Variants in PBX3 observed in about 807,000 individuals in gnomAD.
The protein encoded by PBX3 is PBX homeobox 3.
Under a neutral mutation model 48.5 loss-of-function variants are expected in PBX3, and 14 were observed. The ratio of observed to expected loss-of-function variants is 0.29; its 90% CI spans 0.19 to 0.45. The LOEUF is 0.45. PBX3 is among the 20% of genes least tolerant of loss of function. The pLI is 1.00. For missense variants in PBX3, 386 were observed against 546.7 expected, an observed-to-expected ratio of 0.71 and a Z score of 2.93; for synonymous variants, 210 against 200.3, an observed-to-expected ratio of 1.05 and a Z score of -0.41.
chr9:125,748,804 T>C, intron 2 of PBX3, 181 bp downstream of exon 2: 1 of 506,912 alleles, frequency 2.0e-6, no homozygotes, highest in East Asian at 3.1e-5. Flanking sequence ...TTCTCAGTTC[T>C]GCTCCTGGTG....
At chr9:125,935,258 C>G (rs1199101883) in intron 4 of PBX3, among the ~76,000 whole-genome samples, 1 of 152,170 alleles carries the variant, frequency 6.6e-6, no homozygotes, top group Non-Finnish European at 1.5e-5. Flanking sequence ...GCTTCATAGT[C>G]TGGTATTTTT....
intron 2 of PBX3, among the ~76,000 whole-genome samples, chr9:125,835,015 C>CAAAAAAAAAAAAAAAAAAAAAAAAAAA (rs745638368): frequency 4.0e-5 from 1 of 25,170 alleles, no homozygotes. Flanking sequence ...AACTCTGTCT[C>CAAAAAAAAAAAAAAAAAAAAAAAAAAA]AAAAAAAAAA....
chr9:125,923,785 T>C (rs1027761561), intron 3 of PBX3, among the ~76,000 whole-genome samples: 4 of 151,922 alleles, frequency 2.6e-5, no homozygotes, highest in Admixed American at 2.0e-4. Flanking sequence ...AGGCTGGTCT[T>C]GTACTCCTGG....
intron 2 of PBX3, among the ~76,000 whole-genome samples, chr9:125,872,517 G>T (rs1293345167): frequency 1.3e-5 from 2 of 152,170 alleles, no homozygotes; most frequent in African/African-American, 4.8e-5. Flanking sequence ...AGCATTTCTA[G>T]GTTGGGCATA....
At chr9:125,901,284 A>G (rs1024983258) in intron 2 of PBX3, among the ~76,000 whole-genome samples, 2 of 151,722 alleles carry the variant, frequency 1.3e-5, no homozygotes, top group African/African-American at 4.8e-5. Flanking sequence ...CTTATAGGCC[A>G]TTTATAGATT....
At chr9:125,750,194 A>G (rs1381746179) in intron 2 of PBX3, among the ~76,000 whole-genome samples, 1 of 152,216 alleles carries the variant, frequency 6.6e-6, no homozygotes, top group Admixed American at 6.6e-5. Context: ...GCTGACAGCC[A>G]AGCACTGGGG....
chr9:125,937,870 A>G (rs1449130444), intron 5 of PBX3, among the ~76,000 whole-genome samples: 8 of 152,178 alleles, frequency 5.3e-5, no homozygotes, highest in Non-Finnish European at 1.2e-4. Flanking sequence ...CCTGTTGTCC[A>G]AGCTGGTCTC....
intron 2 of PBX3, among the ~76,000 whole-genome samples, chr9:125,872,063 A>T (rs1469163107): frequency 1.3e-5 from 2 of 152,220 alleles, no homozygotes; most frequent in Non-Finnish European, 2.9e-5. Context: ...AAAAAATTAG[A>T]TTGAATAGAT....
chr9:125,789,050 C>T lies in PBX3; in HGVS notation c.274+40427C>T, dbSNP rs146313372. 1.8e-3 allele frequency among the ~76,000 whole-genome samples: 278 copies of T among 152,148 alleles called. 2 individuals are homozygous for T. The highest frequency in any genetic ancestry group is 3.0e-3 in the Admixed American group (46 of 15,282). On this transcript the variant is annotated intron_variant, in intron 2 of 8. Transcript: ENST00000373489. The stretch of plus-strand genomic sequence containing the variant: ...ACTGTTGTTATCTTTCTATGATTTG[C>T]TTTCACTCAACACTTATTTTAAGAT...
intron 2 of PBX3, among the ~76,000 whole-genome samples, chr9:125,776,900 TTTTG>T (rs1328512986): frequency 7.2e-5 from 11 of 152,144 alleles, no homozygotes; most frequent in Admixed American, 3.3e-4. Flanking sequence ...TGTGGCTTAT[TTTTG>T]TTTGTTTTTG....
chr9:125,823,324 ATTTAACT>A (rs60218924), intron 2 of PBX3, among the ~76,000 whole-genome samples: 5,569 of 152,256 alleles, frequency 0.037, 350 homozygotes, highest in African/African-American at 0.13. Context: ...TTGATGTGCT[ATTTAACT>A]TTTATTTACC....
At chr9:125,923,432 A>G (rs529350740) in intron 3 of PBX3, among the ~76,000 whole-genome samples, 1 of 152,226 alleles carries the variant, frequency 6.6e-6, no homozygotes, top group South Asian at 2.1e-4. Context: ...GCAGTTTTCA[A>G]ACTTTTCAGT....
chr9:125,881,454 C>T (rs871602), intron 2 of PBX3, among the ~76,000 whole-genome samples: 1 of 152,120 alleles, frequency 6.6e-6, no homozygotes, highest in African/African-American at 2.4e-5. Flanking sequence ...TACTGAACTT[C>T]TGGCAGAATT....
chr9:125,837,018 TG>T (rs2132215814), intron 2 of PBX3, among the ~76,000 whole-genome samples: 1 of 152,344 alleles, frequency 6.6e-6, no homozygotes, highest in East Asian at 1.9e-4. Flanking sequence ...TCCTAGCAAT[TG>T]CAATTCTTGG....
At chr9:125,783,669 G>A (rs1837382640) in intron 2 of PBX3, among the ~76,000 whole-genome samples, 1 of 152,006 alleles carries the variant, frequency 6.6e-6, no homozygotes, top group African/African-American at 2.4e-5. Flanking sequence ...TTAACTCCTT[G>A]TTCATGGTTT....
At chr9:125,938,565 G>T (rs10987051) in intron 5 of PBX3, among the ~76,000 whole-genome samples, 9,428 of 152,184 alleles carry the variant, frequency 0.062, 680 homozygotes, top group East Asian at 0.17. Flanking sequence ...CGGACATTGG[G>T]TGTAGTATTT....
At chr9:125,793,280 AG>A (rs1185620142) in intron 2 of PBX3, among the ~76,000 whole-genome samples, 7 of 148,674 alleles carry the variant, frequency 4.7e-5, no homozygotes, top group Non-Finnish European at 8.9e-5. Context: ...TGAACCTGGG[AG>A]GCAGAGCTTG....
intron 2 of PBX3, among the ~76,000 whole-genome samples, chr9:125,779,899 C>CA: frequency 8.0e-6 from 1 of 125,638 alleles, no homozygotes; most frequent in Admixed American, 7.8e-5. Flanking sequence ...CTGACCCCCC[C>CA]ACCTCCCTCC....
chr9:125,957,961 T>C (rs1040819261), intron 5 of PBX3, among the ~76,000 whole-genome samples: 4 of 152,358 alleles, frequency 2.6e-5, no homozygotes, highest in Middle Eastern at 3.4e-3. Context: ...GCTGAGAGCA[T>C]GCATTGGGAA....
Sources: gnomAD v4.1 joint callset for allele counts (sites outside exome capture counted in the v4.1 genomes callset) on GRCh38, gnomAD v4.1.1 for gene constraint, MANE v1.5 for transcripts, NCBI Gene and HGNC (gene_info 2026-07-23, HGNC 2026-07-21) for gene names.